Variants in RFTN2 observed in about 807,000 individuals in gnomAD.
RFTN2 encodes the protein raftlin family member 2.
A neutral mutation model predicts 52.7 loss-of-function variants in RFTN2; 34 were observed. The ratio of observed to expected loss-of-function variants is 0.64; its 90% CI spans 0.49 to 0.86. The LOEUF is 0.86. RFTN2 is among the 40% of genes least tolerant of loss of function. The pLI, the probability that RFTN2 is intolerant of heterozygous loss-of-function variation, is 0.00. For synonymous variants in RFTN2, 203 were observed against 217.7 expected (o/e 0.93, Z 0.59); for missense variants, 536 against 600.1 (o/e 0.89, Z 1.12).
In RFTN2 at chr2:197,618,107, C is replaced by G. The variant is rs1394808835; in HGVS notation, c.929-186G>C. The G allele has an allele frequency of 2.5e-5, 8 of 318,204 alleles. No individual in the cohort carries two copies. In the Admixed American group the frequency reaches 2.8e-4, roughly 11 times the overall value. The allele number at this position is 318,204 out of a possible 1,614,324, so 19.7% of individuals were successfully genotyped here. On this transcript the variant is annotated intron_variant, in intron 5 of 8. Coordinates refer to ENST00000295049, the MANE Select transcript of RFTN2 (RefSeq NM_144629.3). Reference sequence around the variant, plus strand: ...CTCTCCCCACGGTCTCCCTCTCCCTCTCTTTCCACGGTCTCCCTCTGATGC... The same window carrying G: ...CTCTCCCCACGGTCTCCCTCTCCCTGTCTTTCCACGGTCTCCCTCTGATGC...
chr2:197,656,259 A>G (rs2088892692), intron 1 of RFTN2, among the ~76,000 whole-genome samples: 1 of 152,152 alleles, frequency 6.6e-6, no homozygotes, highest in South Asian at 2.1e-4. Context: ...TCTGGCACAC[A>G]GTAAGTGCTC....
At position 197,617,916 on chromosome 2, in the gene RFTN2, G is replaced by C. The variant is rs776572146; in HGVS notation, c.934C>G (p.His312Asp). 5.0e-6 allele frequency: 8 copies of C among 1,602,834 alleles called. No individual in the cohort carries two copies. The South Asian group carries it at 8.9e-5, about 18-fold the overall frequency. Residue 312 changes from histidine to aspartate, a missense_variant, in exon 6 of 9, where the codon CAT becomes GAT. By Grantham distance (81) the His-to-Asp change is moderately conservative. Coordinates refer to ENST00000295049, the MANE Select transcript of RFTN2 (RefSeq NM_144629.3). The part of the protein sequence containing the change: ...FVFWETSKGE[H>D]LPKSLEGFFI... Reference sequence around the variant, plus strand: ...AATCCTTCCAAAGATTTAGGCAAATGTTCCCCTGTGAGGAAGAGGGTACAA... The same window carrying C: ...AATCCTTCCAAAGATTTAGGCAAATCTTCCCCTGTGAGGAAGAGGGTACAA...
chr2:197,573,895 A>T (rs1474410981), intron 8 of RFTN2, among the ~76,000 whole-genome samples: 1 of 152,210 alleles, frequency 6.6e-6, no homozygotes, highest in Non-Finnish European at 1.5e-5. Flanking sequence ...GGTGGCTCAC[A>T]TGTTGTTTTG....
At chr2:197,625,141 T>C (rs999489058) in intron 5 of RFTN2, among the ~76,000 whole-genome samples, 1 of 152,068 alleles carries the variant, frequency 6.6e-6, no homozygotes, top group Non-Finnish European at 1.5e-5. Context: ...TGAACCACTG[T>C]GCTGGCCCAT....
chr2:197,659,344 C>G (rs2088940989), intron 1 of RFTN2, among the ~76,000 whole-genome samples: 1 of 151,624 alleles, frequency 6.6e-6, no homozygotes, highest in Non-Finnish European at 1.5e-5. Flanking sequence ...ACTAAAAATA[C>G]AAAAATTAGC....
At chr2:197,612,240 C>G (rs971933220) in intron 7 of RFTN2, among the ~76,000 whole-genome samples, 1 of 152,114 alleles carries the variant, frequency 6.6e-6, no homozygotes, top group African/African-American at 2.4e-5. Context: ...GCATGTCTTT[C>G]TTCTATCCTG....
intron 5 of RFTN2, among the ~76,000 whole-genome samples, chr2:197,626,462 G>C (rs904752872): frequency 1.3e-5 from 2 of 151,694 alleles, no homozygotes; most frequent in Non-Finnish European, 2.9e-5. Flanking sequence ...TACTCGGGAG[G>C]CTGAGGTGGG....
At chr2:197,670,557 C>T (rs1246553671) in intron 1 of RFTN2, among the ~76,000 whole-genome samples, 1 of 149,466 alleles carries the variant, frequency 6.7e-6, no homozygotes, top group East Asian at 2.0e-4. Flanking sequence ...CATGTGTAGT[C>T]CCAGCTACTC....
Position 197,571,769 on chromosome 2 carries a change from A to T in RFTN2, c.*239T>A. The T allele has an allele frequency of 1.9e-6, 1 of 533,350 alleles. No individual in the cohort carries two copies. Among genetic ancestry groups the T allele is most frequent in the East Asian group, 3.2e-5 (1 of 31,696 alleles). 33.0% of individuals were successfully genotyped at this position (533,350 alleles called of 1,614,324 possible). ...TTATTGTGTAATAACCGAATGGAAC[A>T]TCTGTTTAACCAGATGTTTTAGTTG... On this transcript the variant is annotated 3_prime_UTR_variant, in exon 9 of 9. Transcript: ENST00000295049.
intron 1 of RFTN2, among the ~76,000 whole-genome samples, chr2:197,666,824 A>C (rs1442460224): frequency 6.6e-6 from 1 of 151,992 alleles, no homozygotes; most frequent in Non-Finnish European, 1.5e-5. Context: ...CATCCTTTTA[A>C]ATTCTTTTTT....
At chr2:197,618,820 G>A (rs1486166493) in intron 5 of RFTN2, among the ~76,000 whole-genome samples, 4 of 150,274 alleles carry the variant, frequency 2.7e-5, no homozygotes, top group Non-Finnish European at 4.4e-5. Context: ...CAACCGCCCC[G>A]TCTGAGAAGT....
chr2:197,640,530 G>A (rs572739920), intron 3 of RFTN2, among the ~76,000 whole-genome samples: 71 of 147,874 alleles, frequency 4.8e-4, no homozygotes, highest in Non-Finnish European at 9.2e-4. Context: ...TCTTTGACTC[G>A]GAAAGGGAAC....
At chr2:197,575,758 T>C (rs959574181) in intron 8 of RFTN2, among the ~76,000 whole-genome samples, 1 of 127,612 alleles carries the variant, frequency 7.8e-6, no homozygotes, top group South Asian at 2.3e-4. Context: ...AATATATTTT[T>C]TATATATATA....
At chr2:197,579,591 G>A (rs903048714) in intron 8 of RFTN2, among the ~76,000 whole-genome samples, 4 of 152,064 alleles carry the variant, frequency 2.6e-5, no homozygotes, top group South Asian at 2.1e-4. Context: ...GATGCCTGAC[G>A]TCCAGGCATT....
rs143779999 is a variant in RFTN2 at position 197,586,030 on chromosome 2, C to G, written c.1233+9961G>C. The stretch of plus-strand genomic sequence containing the variant: ...TTCACTCTTCATCTCCAAAGCCCAA[C>G]TACACACACCACTGAAACAATTGGA... On this transcript the variant is annotated intron_variant, in intron 8 of 8. Coordinates refer to ENST00000295049, the MANE Select transcript of RFTN2 (RefSeq NM_144629.3). 9.8e-5 allele frequency among the ~76,000 whole-genome samples: 15 copies of G among 152,330 alleles called. No homozygotes were observed. The East Asian group carries it at 2.9e-3, about 29-fold the overall frequency.
At chr2:197,590,935 G>A (rs925915959) in intron 8 of RFTN2, among the ~76,000 whole-genome samples, 2 of 152,208 alleles carry the variant, frequency 1.3e-5, no homozygotes, top group Admixed American at 6.5e-5. Context: ...TCCCCAAGTG[G>A]GGAAGACGAG....
At chr2:197,649,470 C>T (rs186476601) in intron 1 of RFTN2, among the ~76,000 whole-genome samples, 4 of 152,252 alleles carry the variant, frequency 2.6e-5, no homozygotes, top group Non-Finnish European at 5.9e-5. Context: ...GAAGATTGTA[C>T]CACAAATAAT....
At chr2:197,656,499 C>G (rs931706884) in intron 1 of RFTN2, among the ~76,000 whole-genome samples, 27 of 152,118 alleles carry the variant, frequency 1.8e-4, no homozygotes, top group Admixed American at 1.8e-3. Context: ...AAAACATGAG[C>G]CCAGGGCCTG....
chr2:197,636,178 C>T (rs2088562875), intron 3 of RFTN2, among the ~76,000 whole-genome samples: 1 of 151,728 alleles, frequency 6.6e-6, no homozygotes, highest in Admixed American at 6.6e-5. Context: ...AGTGTGATGC[C>T]TCCAGCTTTG....
Sources: gnomAD v4.1 joint callset for allele counts (sites outside exome capture counted in the v4.1 genomes callset) on GRCh38, gnomAD v4.1.1 for gene constraint, MANE v1.5 for transcripts, NCBI Gene and HGNC (gene_info 2026-07-23, HGNC 2026-07-21) for gene names.